The following TMED3 variants were observed in gnomAD, a reference collection of about 807,000 sequenced individuals.
TMED3 encodes transmembrane p24 trafficking protein 3.
In TMED3, 9 loss-of-function variants were observed where a neutral mutation model predicts 15.0. The observed-to-expected ratio is 0.60, with a 90% confidence interval of 0.36 to 1.04. TMED3 has a LOEUF of 1.04. Ranked by LOEUF, TMED3 falls within the 50% of genes least tolerant of loss-of-function variation. TMED3 has a pLI of 0.01. For missense variants in TMED3, 267 were observed against 278.9 expected (o/e 0.96, Z 0.30); for synonymous variants, 117 against 121.4 (o/e 0.96, Z 0.24).
intron 2 of TMED3, among the ~76,000 whole-genome samples, chr15:79,356,148 A>G (rs1160251892): frequency 1.3e-5 from 2 of 152,168 alleles, no homozygotes; most frequent in African/African-American, 2.4e-5. Flanking sequence ...TGGACCCAGC[A>G]TCAATATGTG....
At chr15:79,313,465 T>C (rs1400807392) in intron 1 of TMED3, among the ~76,000 whole-genome samples, 1 of 152,220 alleles carries the variant, frequency 6.6e-6, no homozygotes, top group Non-Finnish European at 1.5e-5. Context: ...CTCAGTTTCT[T>C]CTTCTGTAAA....
chr15:79,382,689 T>TTCTC (rs1893556554), intron 2 of TMED3, among the ~76,000 whole-genome samples: 1 of 152,164 alleles, frequency 6.6e-6, no homozygotes, highest in South Asian at 2.1e-4. Flanking sequence ...GCTGGAAACC[T>TTCTC]TAATCCCTTT....
chr15:79,365,108 C>T (rs760284592), intron 2 of TMED3, among the ~76,000 whole-genome samples: 16 of 152,358 alleles, frequency 1.1e-4, no homozygotes, highest in South Asian at 2.1e-4. Flanking sequence ...AGGGAACAGG[C>T]GATTCACACC....
intron 2 of TMED3, among the ~76,000 whole-genome samples, chr15:79,367,473 C>G (rs1215982080): frequency 2.0e-5 from 3 of 152,196 alleles, no homozygotes; most frequent in Non-Finnish European, 2.9e-5. Context: ...TCCTTAAACT[C>G]TCCCCTAAAA....
At chr15:79,381,710 C>G (rs1893539452) in intron 2 of TMED3, among the ~76,000 whole-genome samples, 1 of 152,192 alleles carries the variant, frequency 6.6e-6, no homozygotes, top group East Asian at 1.9e-4. Flanking sequence ...GCTACCTGCT[C>G]TCCCCTGGGG....
intron 2 of TMED3, among the ~76,000 whole-genome samples, chr15:79,410,018 T>C (rs1183489229): frequency 1.3e-5 from 2 of 152,134 alleles, no homozygotes; most frequent in Non-Finnish European, 2.9e-5. Flanking sequence ...CTAGATTGGA[T>C]TGGTACTTTT....
intron 2 of TMED3, among the ~76,000 whole-genome samples, chr15:79,349,053 G>C (rs772332127): frequency 1.3e-5 from 2 of 152,092 alleles, no homozygotes; most frequent in Non-Finnish European, 2.9e-5. Flanking sequence ...GCCCAGGGTG[G>C]TCTCGAACTC....
chr15:79,356,462 G>A (rs903272321), intron 2 of TMED3, among the ~76,000 whole-genome samples: 4 of 152,204 alleles, frequency 2.6e-5, no homozygotes, highest in African/African-American at 9.6e-5. Flanking sequence ...GCTAGACACT[G>A]TCCTAGGACC....
intron 2 of TMED3, among the ~76,000 whole-genome samples, chr15:79,347,665 A>G (rs1213795218): frequency 6.6e-6 from 1 of 152,226 alleles, no homozygotes; most frequent in Middle Eastern, 3.2e-3. Context: ...CCTTATACTA[A>G]TAAAGAACTT....
chr15:79,382,274 A>G (rs1439400713), intron 2 of TMED3, among the ~76,000 whole-genome samples: 1 of 152,184 alleles, frequency 6.6e-6, no homozygotes, highest in Admixed American at 6.5e-5. Flanking sequence ...TTTACTGAGG[A>G]ACTGAACTGG....
intron 2 of TMED3, among the ~76,000 whole-genome samples, chr15:79,319,973 C>T (rs1051134651): frequency 1.7e-4 from 26 of 152,132 alleles, no homozygotes; most frequent in African/African-American, 5.3e-4. Context: ...GTTAGGTCCC[C>T]GGATAACTGC....
exon 3 of TMED3, chr15:79,411,763 A>G (rs1595914707): frequency 2.3e-6 from 1 of 430,260 alleles, no homozygotes; most frequent in Non-Finnish European, 4.2e-6. Flanking sequence ...GAGAAGTGGT[A>G]GGGGCAGCAC....
downstream of TMED3, among the ~76,000 whole-genome samples, chr15:79,325,740 A>T (rs2058784883): frequency 6.6e-6 from 1 of 152,160 alleles, no homozygotes; most frequent in Non-Finnish European, 1.5e-5. Flanking sequence ...GAAGCCCAAG[A>T]GCCCCCAGCA....
chr15:79,337,313 A>G (rs1009320063), intron 2 of TMED3, among the ~76,000 whole-genome samples: 5 of 152,194 alleles, frequency 3.3e-5, no homozygotes, highest in African/African-American at 1.2e-4. Context: ...CCTTTATATA[A>G]GGACAACAGT....
intron 1 of TMED3, among the ~76,000 whole-genome samples, chr15:79,312,288 T>G (rs1163238321): frequency 1.3e-5 from 2 of 152,202 alleles, no homozygotes; most frequent in Admixed American, 1.3e-4. Context: ...TGGAGACAAC[T>G]TCTATGTGGT....
At chr15:79,400,556 A>C (rs1893820912) in intron 2 of TMED3, among the ~76,000 whole-genome samples, 1 of 152,196 alleles carries the variant, frequency 6.6e-6, no homozygotes, top group African/African-American at 2.4e-5. Flanking sequence ...AGTTGATTAG[A>C]GCCTTCTCGT....
At chr15:79,370,692 T>C (rs541011448) in intron 2 of TMED3, among the ~76,000 whole-genome samples, 1 of 152,312 alleles carries the variant, frequency 6.6e-6, no homozygotes, top group East Asian at 1.9e-4. Flanking sequence ...AATGGGGTAG[T>C]TTTTACATGG....
chr15:79,397,701 C>T (rs1595910671), intron 2 of TMED3, among the ~76,000 whole-genome samples: 1 of 152,198 alleles, frequency 6.6e-6, no homozygotes, highest in African/African-American at 2.4e-5. Context: ...TACATTACTA[C>T]AGTCAATATA....
intron 2 of TMED3, among the ~76,000 whole-genome samples, chr15:79,342,037 G>T (rs1411827287): frequency 6.6e-6 from 1 of 152,104 alleles, no homozygotes; most frequent in East Asian, 1.9e-4. Flanking sequence ...TTAAAGATGA[G>T]AAAAACTAAA....
Sources: gnomAD v4.1 joint callset for allele counts (sites outside exome capture counted in the v4.1 genomes callset) on GRCh38, gnomAD v4.1.1 for gene constraint, MANE v1.5 for transcripts, NCBI Gene and HGNC (gene_info 2026-07-23, HGNC 2026-07-21) for gene names.